The following RTRAF variants were observed in gnomAD, a reference collection of about 807,000 sequenced individuals.
RTRAF encodes the protein tRNA-splicing ligase complex subunit RTRAF.
Under a neutral mutation model 34.4 loss-of-function variants are expected in RTRAF, and 14 were observed. The ratio of observed to expected loss-of-function variants is 0.41; its 90% confidence interval spans 0.27 to 0.64. The LOEUF (loss-of-function observed/expected upper bound fraction) is 0.64, where lower values mean the gene tolerates loss of function less well. RTRAF is among the 30% of genes least tolerant of loss of function. The pLI, the probability that RTRAF is intolerant of heterozygous loss-of-function variation, is 0.34. For synonymous variants in RTRAF, 96 were observed against 95.3 expected, an observed-to-expected ratio of 1.01 and a Z score of -0.04; for missense variants, 291 against 288.4, an observed-to-expected ratio of 1.01 and a Z score of -0.06.
chr14:51,999,619 G>A, intron 4 of RTRAF, 89 bp from the exon 5 acceptor site: 3 of 916,100 alleles, frequency 3.3e-6, no homozygotes, highest in Non-Finnish European at 5.0e-6. Context: ...CTACCGAAAA[G>A]TTAAAAATGT....
chr14:52,007,579 G>T lies in RTRAF; in HGVS notation c.*3063G>T. On this transcript the variant is annotated 3_prime_UTR_variant, in exon 8 of 8. Transcript: ENST00000261700. ...GTTAAAAATATGCCAGGCACTCATG[G>T]TCAGGCAAGCAGTACAAACTTACTG... is the stretch of plus-strand genomic sequence containing the variant. 1 of 493,520 alleles carries T rather than the reference G, an allele frequency of 2.0e-6. No homozygotes were observed. The highest frequency in any genetic ancestry group is 3.6e-6 in the Non-Finnish European group (1 of 280,430). The allele number at this position is 493,520 out of a possible 1,614,324, so 30.6% of individuals were successfully genotyped here.
intron 6 of RTRAF, among the ~76,000 whole-genome samples, chr14:52,002,717 ATGT>A (rs1048665817): frequency 1.6e-4 from 24 of 152,274 alleles, no homozygotes; most frequent in African/African-American, 5.8e-4. Flanking sequence ...TGCAGCAATG[ATGT>A]TGTAGTGAAT....
intron 3 of RTRAF, among the ~76,000 whole-genome samples, chr14:51,995,826 TTC>T (rs1053769410): frequency 6.6e-6 from 1 of 152,144 alleles, no homozygotes; most frequent in African/African-American, 2.4e-5. Flanking sequence ...AAAAAAACTT[TTC>T]TTTCTTTAGA....
intron 6 of RTRAF, 80 bp from the exon 7 acceptor site, chr14:52,004,114 A>T: frequency 8.4e-7 from 1 of 1,191,862 alleles, no homozygotes; most frequent in Non-Finnish European, 1.2e-6. Context: ...CAGAATAGCT[A>T]GGTGCTTTTC....
Position 52,008,910 on chromosome 14 carries a change from A to C in RTRAF, c.*4394A>C, listed in dbSNP as rs1890898586. The C allele has an allele frequency of 1.3e-5, 2 of 152,236 alleles. No homozygotes were observed. Among genetic ancestry groups the C allele is most frequent in the African/African-American group, 4.8e-5 (2 of 41,470 alleles). 9.4% of individuals were successfully genotyped at this position (152,236 alleles called of 1,614,324 possible). A position where few individuals can be genotyped will look rare whatever the true frequency, so the allele number is the denominator to read the frequency against. ...CTTTACCTTTTAAATGCCACGTTAA[A>C]AATGAAATATATTCATAACAGATAC... On this transcript the variant is annotated 3_prime_UTR_variant, in exon 8 of 8. Coordinates refer to ENST00000261700, the MANE Select transcript of RTRAF (RefSeq NM_016039.3).
chr14:52,000,289 C>G (rs1385730385), intron 5 of RTRAF, among the ~76,000 whole-genome samples: 1 of 152,050 alleles, frequency 6.6e-6, no homozygotes, highest in Non-Finnish European at 1.5e-5. Flanking sequence ...ACCCCAAAAT[C>G]TCTTTGAGAA....
In RTRAF at chr14:52,004,218, C is replaced by T; in HGVS notation, c.556C>T (p.His186Tyr). The T allele has an allele frequency of 6.2e-7, 1 of 1,613,352 alleles. No homozygotes were observed. The highest frequency in any genetic ancestry group is 1.1e-5 in the South Asian group (1 of 90,992). Residue 186 changes from histidine (H) to tyrosine (Y), a missense_variant, in exon 7 of 8, where the codon CAT (histidine) becomes TAT (tyrosine). Coordinates refer to ENST00000261700, the MANE Select transcript of RTRAF (RefSeq NM_016039.3). The part of the protein sequence containing the change: ...KEGLPVALDK[H>Y]ILGFDTGDAV... ...GGGCTTACCTGTTGCTTTAGACAAACATATTCTTGGTTTTGACACAGGAGG... is the reference window on the plus strand; with the variant it reads ...GGGCTTACCTGTTGCTTTAGACAAATATATTCTTGGTTTTGACACAGGAGG...
In RTRAF at chr14:52,005,759, T is replaced by G. The variant is rs1423896383; in HGVS notation, c.*1243T>G. 3.1e-6 allele frequency: 5 copies of G among 1,613,634 alleles called. No homozygotes were observed. Among genetic ancestry groups the G allele is most frequent in the Non-Finnish European group, 4.2e-6 (5 of 1,179,646 alleles). ...TACCTGTTGGGCAGTAGGGGTAGAC[T>G]GCAGTTATCCCGTAGAGGTGAGATC... On this transcript the variant is annotated 3_prime_UTR_variant, in exon 8 of 8. Transcript: ENST00000261700.
rs1890810724 is a variant in RTRAF, at chr14:52,006,985, A to G, written c.*2469A>G. On this transcript the variant is annotated 3_prime_UTR_variant, in exon 8 of 8. Coordinates refer to ENST00000261700, the MANE Select transcript of RTRAF (RefSeq NM_016039.3). ...CTTATAAATTATAACATCTGGGTAA[A>G]TACTTGCCCTTTGTAAGCTATGTCT... 1 of 182,564 alleles carries G rather than the reference A, an allele frequency of 5.5e-6. No individual in the cohort carries two copies. The highest frequency in any genetic ancestry group is 2.4e-5 in the African/African-American group (1 of 42,234). 11.3% of individuals were successfully genotyped at this position (182,564 alleles called of 1,614,324 possible).
chr14:51,999,692 T>C lies in RTRAF; in HGVS notation c.374-16T>C. 1 of 1,574,704 alleles carries C rather than the reference T, an allele frequency of 6.4e-7. No individual in the cohort carries two copies. Among genetic ancestry groups the C allele is most frequent in the South Asian group, 1.1e-5 (1 of 88,194 alleles). On this transcript the variant is annotated splice_polypyrimidine_tract_variant and intron_variant, in intron 4 of 7. Transcript: ENST00000261700. Reference sequence around the variant, plus strand: ...TGCAGGGTTGTAAGTTTTTGTTTGTTTTTAATCTTTTATAGTAAATAATCC... The same window carrying C: ...TGCAGGGTTGTAAGTTTTTGTTTGTCTTTAATCTTTTATAGTAAATAATCC...
chr14:51,996,379 CTT>C (rs1428686705), intron 3 of RTRAF, among the ~76,000 whole-genome samples: 1 of 152,108 alleles, frequency 6.6e-6, no homozygotes, highest in Non-Finnish European at 1.5e-5. Context: ...GCCTCCTTGA[CTT>C]TTAAGTTACT....
At chr14:51,990,186 A>G (rs1890406553) in intron 1 of RTRAF, among the ~76,000 whole-genome samples, 1 of 152,178 alleles carries the variant, frequency 6.6e-6, no homozygotes, top group Admixed American at 6.5e-5. Flanking sequence ...GACAGTACAC[A>G]ATGAAATCAG....
rs775945714 is a variant in RTRAF at position 51,999,765 on chromosome 14, A to G, written c.431A>G (p.Gln144Arg). ...GCTTTGGCTAACCTGCTTCAGATTCAGCGTCATGATGATTACCTGGTAATG... is the reference window on the plus strand; with the variant it reads ...GCTTTGGCTAACCTGCTTCAGATTCGGCGTCATGATGATTACCTGGTAATG... ...VMALANLLQI[Q>R]RHDDYLVMLK... is the part of the protein sequence containing the mutation. Residue 144 changes from glutamine to arginine, a missense_variant, in exon 5 of 8, where the codon CAG becomes CGG. Gln to Arg is a conservative substitution (Grantham distance 43). Transcript: ENST00000261700. The G allele has an allele frequency of 1.9e-6, 3 of 1,610,562 alleles. No homozygotes were observed. Among genetic ancestry groups the G allele is most frequent in the African/African-American group, 2.7e-5 (2 of 74,876 alleles).
Position 52,007,473 on chromosome 14 carries a change from G to A in RTRAF, c.*2957G>A, listed in dbSNP as rs931119407. 1.1e-5 allele frequency: 3 copies of A among 282,202 alleles called. No homozygotes were observed. The Admixed American group carries it at 1.6e-4, about 15-fold the overall frequency. The allele number at this position is 282,202 out of a possible 1,614,324, so 17.5% of individuals were successfully genotyped here. A position where few individuals can be genotyped will look rare whatever the true frequency, so the allele number is the denominator to read the frequency against. ...TTAGCATTATAACAGATGTTTATAG[G>A]TAAGTTATAGTGACCCTCTCCCCGC... On this transcript the variant is annotated 3_prime_UTR_variant, in exon 8 of 8. Transcript: ENST00000261700.
intron 1 of RTRAF, 74 bp from the exon 2 acceptor site, chr14:51,991,243 A>G: frequency 3.4e-6 from 5 of 1,450,362 alleles, no homozygotes; most frequent in Non-Finnish European, 3.8e-6. Context: ...AAGAACATAT[A>G]TCTGAACATA....
chr14:51,994,558 G>T (rs1890487288), intron 3 of RTRAF, among the ~76,000 whole-genome samples: 1 of 152,030 alleles, frequency 6.6e-6, no homozygotes, highest in Non-Finnish European at 1.5e-5. Flanking sequence ...TCAGGCTCTT[G>T]TCACTTTCTG....
In RTRAF at chr14:52,005,223, A is replaced by G. The variant is rs887386267; in HGVS notation, c.*707A>G. ...TAAATATTAATGATAAATGTTTACAAGAAGTTGCTTTAATAAGCAACAGTT... is the reference window on the plus strand; with the variant it reads ...TAAATATTAATGATAAATGTTTACAGGAAGTTGCTTTAATAAGCAACAGTT... On this transcript the variant is annotated 3_prime_UTR_variant, in exon 8 of 8. Transcript: ENST00000261700. The G allele has an allele frequency of 2.8e-6, 1 of 355,848 alleles. No individual in the cohort carries two copies. The highest frequency in any genetic ancestry group is 2.1e-5 in the African/African-American group (1 of 47,624). The allele number at this position is 355,848 out of a possible 1,614,324, so 22.0% of individuals were successfully genotyped here.
chr14:52,003,997 C>CCCT (rs1566734984), intron 6 of RTRAF, 197 bp from the exon 7 acceptor site: 1 of 588,980 alleles, frequency 1.7e-6, no homozygotes, highest in East Asian at 2.9e-5. Context: ...TAACTTTTCC[C>CCCT]CCTAACCGGT....
In RTRAF at chr14:52,007,783, C is replaced by CTATT. The variant is rs1739552743; in HGVS notation, c.*3269_*3272dup. ...CACATTCACTGTGATGAGAGGTTAT[C>CTATT]TATTTGCATTCCATCAGTAGTATTA... On this transcript the variant is annotated 3_prime_UTR_variant, in exon 8 of 8. Coordinates refer to ENST00000261700, the MANE Select transcript of RTRAF (RefSeq NM_016039.3). 2 of 1,596,284 alleles carry CTATT rather than the reference C, an allele frequency of 1.3e-6. No homozygotes were observed. Among genetic ancestry groups the CTATT allele is most frequent in the Non-Finnish European group, 8.6e-7 (1 of 1,166,726 alleles).
Sources: allele counts gnomAD v4.1 joint callset (sites outside exome capture counted in the v4.1 genomes callset), GRCh38; gene constraint gnomAD v4.1.1; transcripts MANE v1.5; gene names NCBI Gene and HGNC (gene_info 2026-07-23, HGNC 2026-07-21).